The following CDYL variants were observed in gnomAD, a reference collection of about 807,000 sequenced individuals.
The protein encoded by CDYL is chromodomain Y-like protein.
CDYL carries 8 observed loss-of-function variants against 47.3 expected under a neutral mutation model. The ratio of observed to expected loss-of-function variants is 0.17; its 90% CI spans 0.10 to 0.31. CDYL has a LOEUF of 0.31. CDYL is among the 10% of genes least tolerant of loss of function. The pLI is 1.00. For missense variants in CDYL, 471 were observed against 701.4 expected (o/e 0.67, Z 3.71); for synonymous variants, 266 against 265.0 (o/e 1.00, Z -0.04).
At chr6:4,814,026 C>G (rs1190750938) in intron 1 of CDYL, among the ~76,000 whole-genome samples, 1 of 151,732 alleles carries the variant, frequency 6.6e-6, no homozygotes, top group Non-Finnish European at 1.5e-5. Context: ...GTGATCCACC[C>G]ACCTTGGCCT....
chr6:4,737,350 T>C (rs1486854985), intron 3 of CDYL, among the ~76,000 whole-genome samples: 1 of 47,022 alleles, frequency 2.1e-5, no homozygotes, highest in East Asian at 6.1e-4. Context: ...TTAAGAAATA[T>C]TTGCAACAAA....
chr6:4,779,446 C>T (rs1451819111), intron 1 of CDYL, among the ~76,000 whole-genome samples: 1 of 152,118 alleles, frequency 6.6e-6, no homozygotes, highest in East Asian at 1.9e-4. Flanking sequence ...TTGGTTTTCT[C>T]GCCTAAAAGA....
chr6:4,853,228 A>G lies in CDYL; in HGVS notation c.25-38485A>G, dbSNP rs79121772. Among the ~76,000 whole-genome samples, 343 of 152,280 alleles carry G rather than the reference A, an allele frequency of 2.3e-3. 1 individual carries two copies. Among genetic ancestry groups the G allele is most frequent in the African/African-American group, 7.4e-3 (309 of 41,542 alleles). ...TCCGTAGCCATTACTGAGCATGTAC[A>G]TTTGTCAGGTACTGGTTTGTACTTT... is the stretch of plus-strand genomic sequence containing the variant. On this transcript the variant is annotated intron_variant, in intron 1 of 6. Coordinates refer to ENST00000397588, the MANE Select transcript of CDYL (RefSeq NM_004824.4).
chr6:4,919,126 G>A (rs556288882), intron 2 of CDYL, among the ~76,000 whole-genome samples: 5 of 152,200 alleles, frequency 3.3e-5, no homozygotes, highest in Admixed American at 3.3e-4. Flanking sequence ...ACAAGTTCAA[G>A]TTCTTTTCGT....
intron 1 of CDYL, among the ~76,000 whole-genome samples, chr6:4,855,399 T>C (rs1356897563): frequency 6.6e-6 from 1 of 152,146 alleles, no homozygotes; most frequent in Non-Finnish European, 1.5e-5. Context: ...CAAGGGACCC[T>C]CCCACCTCAT....
intron 1 of CDYL, among the ~76,000 whole-genome samples, chr6:4,804,673 CT>C (rs1759320572): frequency 6.6e-6 from 1 of 152,334 alleles, no homozygotes; most frequent in Non-Finnish European, 1.5e-5. Context: ...TCAAACTTGA[CT>C]GTCATAGAGA....
chr6:4,827,491 G>A (rs1391947454), intron 1 of CDYL, among the ~76,000 whole-genome samples: 2 of 152,086 alleles, frequency 1.3e-5, no homozygotes, highest in South Asian at 2.1e-4. Context: ...GGAATTATAT[G>A]TAATATCCAC....
intron 1 of CDYL, among the ~76,000 whole-genome samples, chr6:4,810,123 G>A (rs909325434): frequency 1.3e-4 from 20 of 152,216 alleles, no homozygotes; most frequent in Middle Eastern, 3.4e-3. Flanking sequence ...GTGTATGTGT[G>A]TGTGTTTATT....
Position 4,721,706 on chromosome 6 carries a change from C to T in CDYL, c.103+5825C>T, listed in dbSNP as rs574028414. Among the ~76,000 whole-genome samples, 5 of 152,010 alleles carry T rather than the reference C, an allele frequency of 3.3e-5. No homozygotes were observed. In the East Asian group the frequency reaches 7.8e-4, roughly 24 times the overall value. ...CAGAACTTCCTAAGAAACACTTACA[C>T]GTCACTGCTTGCTGTCTCACACTTC... On this transcript the variant is annotated intron_variant, in intron 2 of 8. Transcript: ENST00000328908.
intron 1 of CDYL, among the ~76,000 whole-genome samples, chr6:4,778,514 C>T (rs979663456): frequency 2.0e-5 from 3 of 152,040 alleles, no homozygotes; most frequent in Non-Finnish European, 4.4e-5. Context: ...GTTCATTTAA[C>T]GTTTATTGAA....
At chr6:4,807,591 C>CTTTTTTTTTTTTTTTTTTTTTTT (rs70974139) in intron 1 of CDYL, among the ~76,000 whole-genome samples, 2 of 42,898 alleles carry the variant, frequency 4.7e-5, no homozygotes, top group African/African-American at 1.8e-4. Flanking sequence ...TCATTCATGT[C>CTTTTTTTTTTTTTTTTTTTTTTT]TTTTTTTTTT....
At chr6:4,848,700 A>G (rs1883327) in intron 1 of CDYL, among the ~76,000 whole-genome samples, 77,372 of 152,176 alleles carry the variant, frequency 0.51, 21,800 homozygotes, top group African/African-American at 0.76. Flanking sequence ...ATAGCTGCCC[A>G]ATGGCTTGCG....
At chr6:4,836,409 A>G in intron 1 of CDYL, 1 of 309,592 alleles carries the variant, frequency 3.2e-6, no homozygotes, top group South Asian at 1.3e-4. Context: ...TGTTTGCTTC[A>G]GTTTACTTTT....
At chr6:4,746,916 C>G (rs1757908887) in intron 3 of CDYL, among the ~76,000 whole-genome samples, 1 of 152,126 alleles carries the variant, frequency 6.6e-6, no homozygotes, top group Non-Finnish European at 1.5e-5. Flanking sequence ...GGGTCCTGCT[C>G]CATGCTGCGT....
intron 3 of CDYL, among the ~76,000 whole-genome samples, chr6:4,737,814 C>T (rs1034655000): frequency 9.2e-5 from 14 of 151,930 alleles, no homozygotes; most frequent in East Asian, 5.8e-4. Context: ...TGTGAGCCAT[C>T]GCACCAGCTG....
chr6:4,709,822 GGC>G (rs1259328564), intron 1 of CDYL, among the ~76,000 whole-genome samples: 2 of 152,280 alleles, frequency 1.3e-5, no homozygotes, highest in East Asian at 3.9e-4. Context: ...TTCGGTGTGA[GGC>G]ATATGGTAAG....
intron 1 of CDYL, among the ~76,000 whole-genome samples, chr6:4,782,509 A>T (rs1758643666): frequency 6.6e-6 from 1 of 152,016 alleles, no homozygotes; most frequent in Non-Finnish European, 1.5e-5. Context: ...GGAGAATTTC[A>T]CTGTTTCCCA....
chr6:4,730,068 C>G (rs1757578556), intron 2 of CDYL, among the ~76,000 whole-genome samples: 1 of 152,056 alleles, frequency 6.6e-6, no homozygotes, highest in Non-Finnish European at 1.5e-5. Flanking sequence ...ACAAGTGTCT[C>G]CAACCACTGG....
chr6:4,868,259 GCAC>G (rs1761377995), intron 1 of CDYL, among the ~76,000 whole-genome samples: 7 of 151,698 alleles, frequency 4.6e-5, no homozygotes, highest in Non-Finnish European at 8.8e-5. Flanking sequence ...TTTTCTCTAA[GCAC>G]TACATTGGCT....
Sources: allele counts gnomAD v4.1 joint callset (sites outside exome capture counted in the v4.1 genomes callset), GRCh38; gene constraint gnomAD v4.1.1; transcripts MANE v1.5; gene names NCBI Gene and HGNC (gene_info 2026-07-23, HGNC 2026-07-21).